TCF23: variants seen among roughly 807,000 people sequenced by gnomAD.
TCF23 encodes class A basic helix-loop-helix protein 24.
TCF23 carries 7 observed loss-of-function variants against 13.0 expected under a neutral mutation model. The ratio of observed to expected loss-of-function variants is 0.54; its 90% confidence interval spans 0.31 to 1.01. The LOEUF (loss-of-function observed/expected upper bound fraction) is 1.01, where lower values mean the gene tolerates loss of function less well. Among genes scored for constraint, TCF23 ranks in the 50% least tolerant of loss-of-function variants. The pLI, the probability that TCF23 is intolerant of heterozygous loss-of-function variation, is 0.06. For synonymous variants in TCF23, 122 were observed against 119.5 expected, an observed-to-expected ratio of 1.02 and a Z score of -0.14; for missense variants, 257 against 289.8, an observed-to-expected ratio of 0.89 and a Z score of 0.82.
rs1280834107 is a variant in TCF23 at position 27,153,520 on chromosome 2, C to CTTTTCTT, written c.*656_*662dup. 2 of 159,324 alleles carry CTTTTCTT rather than the reference C, an allele frequency of 1.3e-5. No individual in the cohort carries two copies. The highest frequency in any genetic ancestry group is 3.7e-4 in the East Asian group (2 of 5,400). 9.9% of individuals were successfully genotyped at this position (159,324 alleles called of 1,614,324 possible). A position where few individuals can be genotyped will look rare whatever the true frequency, so the allele number is the denominator to read the frequency against. On this transcript the variant is annotated 3_prime_UTR_variant, in exon 3 of 3. Coordinates refer to ENST00000296096, the MANE Select transcript of TCF23 (RefSeq NM_175769.3). ...CTGCACTCTTCCACTCTTTTCTTTT[C>CTTTTCTT]TTTTCTTTTCTTTTCGTTTCTTCTT... is the stretch of plus-strand genomic sequence containing the variant.
In TCF23 at chr2:27,156,904, CTA is replaced by C. The variant is rs1477596645; in HGVS notation, c.*4039_*4040del. 6.6e-6 allele frequency: 1 copy of C among 152,298 alleles called. No homozygotes were observed. The highest frequency in any genetic ancestry group is 1.9e-4 in the East Asian group (1 of 5,198). The allele number at this position is 152,298 out of a possible 1,614,324, so 9.4% of individuals were successfully genotyped here. A position where few individuals can be genotyped will look rare whatever the true frequency, so the allele number is the denominator to read the frequency against. On this transcript the variant is annotated 3_prime_UTR_variant, in exon 3 of 3. Transcript: ENST00000296096. ...TCTATTCTAGATCAAGGTAGGCAAA[CTA>C]TGGCCAGTGGGCCAAACCCAGCCCC...
Position 27,152,733 on chromosome 2 carries a change from T to A in TCF23, c.511T>A (p.Ser171Thr). 2 of 1,614,114 alleles carry A rather than the reference T, an allele frequency of 1.2e-6. No homozygotes were observed. Among genetic ancestry groups the A allele is most frequent in the Non-Finnish European group, 1.7e-6 (2 of 1,180,018 alleles). The change falls in exon 3 of 3, where the codon TCC (serine) becomes ACC (threonine). Residue 171 changes from serine to threonine, a missense_variant. Ser to Thr is a moderately conservative substitution (Grantham distance 58, BLOSUM62 1). Transcript: ENST00000296096. ...SRLYAGGLGYSDLDSTTASTP... is the reference protein window; with the variant it reads ...SRLYAGGLGYTDLDSTTASTP... ...TCTCTATGCTGGAGGCCTGGGGTAC[T>A]CCGATCTTGACTCCACCACAGCCAG...
At position 27,156,588 on chromosome 2, in the gene TCF23, ATG is replaced by A. The variant is rs1309555518; in HGVS notation, c.*3723_*3724del. 1 of 148,416 alleles carries A rather than the reference ATG, an allele frequency of 6.7e-6. No individual in the cohort carries two copies. Among genetic ancestry groups the A allele is most frequent in the Non-Finnish European group, 1.5e-5 (1 of 66,994 alleles). The allele number at this position is 148,416 out of a possible 1,614,324, so 9.2% of individuals were successfully genotyped here. ...TTTTTAGTAGAGACGGGGTTTCACC[ATG>A]TTAGCCAGGATGGTCTTGATCTCCT... is the stretch of plus-strand genomic sequence containing the variant. On this transcript the variant is annotated 3_prime_UTR_variant, in exon 3 of 3. Coordinates refer to ENST00000296096, the MANE Select transcript of TCF23 (RefSeq NM_175769.3).
rs1672750417 is a variant in TCF23, at chr2:27,150,775, G to C, written c.465+410G>C. Among the ~76,000 whole-genome samples, 1 of 152,110 alleles carries C rather than the reference G, an allele frequency of 6.6e-6. No homozygotes were observed. Among genetic ancestry groups the C allele is most frequent in the African/African-American group, 2.4e-5 (1 of 41,410 alleles). The stretch of plus-strand genomic sequence containing the variant: ...CTTTCTAGGCTTCTGTTGCAAGAGA[G>C]GTCTGTCCTCCAGGAGAACAACGGT... On this transcript the variant is annotated intron_variant, in intron 2 of 2. Coordinates refer to ENST00000296096, the MANE Select transcript of TCF23 (RefSeq NM_175769.3). This position sits in a 1 kb window ranked among gnomAD's most constrained non-coding sequence, Gnocchi z 4.1.
chr2:27,150,472 C>T lies in TCF23; in HGVS notation c.465+107C>T, dbSNP rs923632837. ...TTGGACTTGGGCCCCCTGCCCTGTG[C>T]AGAACTGACGTCGGAGCCAATTTCT... On this transcript the variant is annotated intron_variant, in intron 2 of 2. Transcript: ENST00000296096. The surrounding 1 kb of genome is among the most constrained non-coding windows in gnomAD (Gnocchi z 4.1). 1.3e-6 allele frequency: 2 copies of T among 1,528,966 alleles called. No homozygotes were observed. 94.7% of individuals were successfully genotyped at this position (1,528,966 alleles called of 1,614,324 possible).
At position 27,152,706 on chromosome 2, in the gene TCF23, C is replaced by T. The variant is rs764247804; in HGVS notation, c.484C>T (p.Arg162Cys). 5.8e-5 allele frequency: 93 copies of T among 1,613,688 alleles called. No individual in the cohort carries two copies. The highest frequency in any genetic ancestry group is 7.5e-5 in the Non-Finnish European group (88 of 1,179,884). Residue 162 changes from arginine to cysteine, a missense_variant, in exon 3 of 3, where the codon CGT becomes TGT. Arg to Cys is a radical substitution (Grantham distance 180). Transcript: ENST00000296096. ...CTTGCAGAAGTGGCCGATGCGATCT[C>T]GTCTCTATGCTGGAGGCCTGGGGTA... ...HPLKKWPMRSRLYAGGLGYSD... is the reference protein window; with the variant it reads ...HPLKKWPMRSCLYAGGLGYSD...
Position 27,156,450 on chromosome 2 carries a change from TC to T in TCF23, c.*3584del. The T allele has an allele frequency of 6.7e-6, 1 of 148,590 alleles. No individual in the cohort carries two copies. The highest frequency in any genetic ancestry group is 2.2e-4 in the South Asian group (1 of 4,456). The allele number at this position is 148,590 out of a possible 1,614,324, so 9.2% of individuals were successfully genotyped here. ...TGGAGCGCAGTGGCGTGATCTCGGC[TC>T]ACTGCAAGCTCCGCCTCCTGGGTTC... On this transcript the variant is annotated 3_prime_UTR_variant, in exon 3 of 3. Coordinates refer to ENST00000296096, the MANE Select transcript of TCF23 (RefSeq NM_175769.3).
chr2:27,149,199 C>T lies in TCF23; in HGVS notation c.66C>T (p.Ala22=), dbSNP rs370723391. Residue 22 remains alanine (A), a synonymous_variant, in exon 1 of 3, where the codon GCC becomes GCT. Coordinates refer to ENST00000296096, the MANE Select transcript of TCF23 (RefSeq NM_175769.3). ...MPGVGHSQTQ[A]KARLLPGADR... ...GGGTGGGGCATAGCCAGACTCAGGC[C>T]AAAGCACGGTTGCTGCCAGGCGCTG... 3.6e-5 allele frequency: 56 copies of T among 1,553,868 alleles called. No individual in the cohort carries two copies. The African/African-American group carries it at 5.0e-4, about 14-fold the overall frequency.
In TCF23 at chr2:27,150,189, T is replaced by C; in HGVS notation, c.289T>C (p.Leu97=). Residue 97 remains leucine (L), a synonymous_variant, in exon 2 of 3, where the codon TTG becomes CTG. Coordinates refer to ENST00000296096, the MANE Select transcript of TCF23 (RefSeq NM_175769.3). The surrounding 1 kb of genome is among the most constrained non-coding windows in gnomAD (Gnocchi z 4.1). ...SRVRTLRQAF[L]ALQAALPAVP... ...GGTCAGGACGCTGCGCCAGGCCTTCTTGGCCTTGCAGGCTGCTCTGCCTGC... is the reference window on the plus strand; with the variant it reads ...GGTCAGGACGCTGCGCCAGGCCTTCCTGGCCTTGCAGGCTGCTCTGCCTGC... 1 of 1,612,602 alleles carries C rather than the reference T, an allele frequency of 6.2e-7. No individual in the cohort carries two copies. Among genetic ancestry groups the C allele is most frequent in the East Asian group, 2.2e-5 (1 of 44,878 alleles).
intron 1 of TCF23, chr2:27,149,874 C>G (rs919667433): frequency 1.0e-5 from 7 of 674,162 alleles, no homozygotes; most frequent in Non-Finnish European, 1.9e-5. Context: ...GTAGAGAGAA[C>G]ACAGGACTCT....
Position 27,149,380 on chromosome 2 carries a change from G to A in TCF23, c.222+25G>A, listed in dbSNP as rs1572358152. The A allele has an allele frequency of 1.9e-6, 3 of 1,554,032 alleles. No individual in the cohort carries two copies. The East Asian group carries it at 7.2e-5, about 37-fold the overall frequency. ...GGTAAGGAAATCCTGCACCTGCAGA[G>A]GGGTCCAGGGGAGGAAGGGGTTGGA... On this transcript the variant is annotated intron_variant, in intron 1 of 2. Coordinates refer to ENST00000296096, the MANE Select transcript of TCF23 (RefSeq NM_175769.3).
At chr2:27,152,126 C>G (rs1463169349) in intron 2 of TCF23, among the ~76,000 whole-genome samples, 1 of 152,196 alleles carries the variant, frequency 6.6e-6, no homozygotes, top group African/African-American at 2.4e-5. Context: ...AGTAGGTGAT[C>G]AACAGCTATG....
In TCF23 at chr2:27,156,203, A is replaced by G. The variant is rs1672833531; in HGVS notation, c.*3336A>G. On this transcript the variant is annotated 3_prime_UTR_variant, in exon 3 of 3. Coordinates refer to ENST00000296096, the MANE Select transcript of TCF23 (RefSeq NM_175769.3). ...TAGCTGGGTGTGGTGGCACATGCCT[A>G]TAACCCCAGCTACTTGGGAGGCTGA... 6.6e-6 allele frequency: 1 copy of G among 151,552 alleles called. No individual in the cohort carries two copies. Among genetic ancestry groups the G allele is most frequent in the Admixed American group, 6.6e-5 (1 of 15,250 alleles). 9.4% of individuals were successfully genotyped at this position (151,552 alleles called of 1,614,324 possible). A position where few individuals can be genotyped will look rare whatever the true frequency, so the allele number is the denominator to read the frequency against.
chr2:27,149,041 G>A lies in TCF23; in HGVS notation c.-93G>A, dbSNP rs1672715825. 2 of 1,241,022 alleles carry A rather than the reference G, an allele frequency of 1.6e-6. No homozygotes were observed. Among genetic ancestry groups the A allele is most frequent in the South Asian group, 2.9e-5 (2 of 68,070 alleles). The allele number at this position is 1,241,022 out of a possible 1,614,324, so 76.9% of individuals were successfully genotyped here. A position where few individuals can be genotyped will look rare whatever the true frequency, so the allele number is the denominator to read the frequency against. On this transcript the variant is annotated 5_prime_UTR_variant, in exon 1 of 3. Transcript: ENST00000296096. ...GCTTCCTCGGATGTAGATATTGCTG[G>A]CTGGATGACCAGCCACAGCCAGCTA... is the stretch of plus-strand genomic sequence containing the variant.
chr2:27,155,034 G>A lies in TCF23; in HGVS notation c.*2167G>A, dbSNP rs1672815433. On this transcript the variant is annotated 3_prime_UTR_variant, in exon 3 of 3. Transcript: ENST00000296096. ...CTGCTCAGACTCAGGCCTTTGCCTA[G>A]TAACATTAGAGCCCTCAGGGGTGAC... 1 of 152,348 alleles carries A rather than the reference G, an allele frequency of 6.6e-6. No homozygotes were observed. Among genetic ancestry groups the A allele is most frequent in the South Asian group, 2.1e-4 (1 of 4,836 alleles). The allele number at this position is 152,348 out of a possible 1,614,324, so 9.4% of individuals were successfully genotyped here. A position where few individuals can be genotyped will look rare whatever the true frequency, so the allele number is the denominator to read the frequency against.
In TCF23 at chr2:27,153,864, C is replaced by T. The variant is rs1391823316; in HGVS notation, c.*997C>T. The T allele has an allele frequency of 6.6e-6, 1 of 152,204 alleles. No individual in the cohort carries two copies. Among genetic ancestry groups the T allele is most frequent in the Non-Finnish European group, 1.5e-5 (1 of 68,042 alleles). 9.4% of individuals were successfully genotyped at this position (152,204 alleles called of 1,614,324 possible). A position where few individuals can be genotyped will look rare whatever the true frequency, so the allele number is the denominator to read the frequency against. Reference sequence around the variant, plus strand: ...TAAATATGAAGGATATTGACAGAATCAATTACATCCTTGAAGGACCTTAAG... The same window carrying T: ...TAAATATGAAGGATATTGACAGAATTAATTACATCCTTGAAGGACCTTAAG... On this transcript the variant is annotated 3_prime_UTR_variant, in exon 3 of 3. Coordinates refer to ENST00000296096, the MANE Select transcript of TCF23 (RefSeq NM_175769.3).
rs1408917030 is a variant in TCF23 at position 27,155,364 on chromosome 2, A to G, written c.*2497A>G. On this transcript the variant is annotated 3_prime_UTR_variant, in exon 3 of 3. Coordinates refer to ENST00000296096, the MANE Select transcript of TCF23 (RefSeq NM_175769.3). ...ATGGACTGGGCCCTCCCTCCCTGAC[A>G]AGCACAGTAATGCCCTTGAGACATG... 5.9e-5 allele frequency: 9 copies of G among 152,326 alleles called. No individual in the cohort carries two copies. Among genetic ancestry groups the G allele is most frequent in the Admixed American group, 5.2e-4 (8 of 15,278 alleles). The allele number at this position is 152,326 out of a possible 1,614,324, so 9.4% of individuals were successfully genotyped here.
chr2:27,152,551 C>A (rs1284392775), intron 2 of TCF23, 137 bp from the exon 3 acceptor site: 2 of 967,108 alleles, frequency 2.1e-6, no homozygotes, highest in African/African-American at 3.3e-5. Flanking sequence ...ATGATGATGA[C>A]CCTGATCAGA....
intron 2 of TCF23, among the ~76,000 whole-genome samples, chr2:27,151,578 C>T (rs1365646569): frequency 6.6e-6 from 1 of 152,104 alleles, no homozygotes; most frequent in Non-Finnish European, 1.5e-5. Context: ...AGATGATCCA[C>T]CCACTACGGC....
Sources: allele counts gnomAD v4.1 joint callset (sites outside exome capture counted in the v4.1 genomes callset), GRCh38; gene constraint gnomAD v4.1.1; non-coding constraint Gnocchi (gnomAD v3.1); transcripts MANE v1.5; gene names NCBI Gene and HGNC (gene_info 2026-07-23, HGNC 2026-07-21).